Variants in COL2A1 observed in about 807,000 individuals in gnomAD.
The protein encoded by COL2A1 is collagen type II alpha 1 chain.
A neutral mutation model predicts 204.5 loss-of-function variants in COL2A1; 28 were observed. That is an observed-to-expected ratio of 0.14 (90% CI 0.10 to 0.19). COL2A1 has a LOEUF of 0.19. Among genes scored for constraint, COL2A1 ranks in the 10% least tolerant of loss-of-function variants. COL2A1 has a pLI of 1.00. For synonymous variants in COL2A1, 708 were observed against 718.7 expected (o/e 0.99, Z 0.24); for missense variants, 1,388 against 2,027.5 (o/e 0.68, Z 6.06).
chr12:47,977,361 G>GGCCAGGGGA lies in COL2A1; in HGVS notation c.3223_3231dup (p.Ser1075_Gly1077dup), dbSNP rs1565670156. 1 of 1,613,770 alleles carries GGCCAGGGGA rather than the reference G, an allele frequency of 6.2e-7. No homozygotes were observed. The stretch of plus-strand genomic sequence containing the variant: ...CCTTGCTTGCCAGTTGGACCAGCGG[G>GGCCAGGGGA]GCCAGGGGAGCCAGGGGGCCCAGGG... On this transcript the variant is annotated inframe_insertion, in exon 46 of 54. Coordinates refer to ENST00000380518, the MANE Select transcript of COL2A1 (RefSeq NM_001844.5).
intron 6 of COL2A1, 30 bp from the exon 7 acceptor site, chr12:47,997,737 G>T (rs747184522): frequency 5.9e-5 from 95 of 1,613,940 alleles, no homozygotes; most frequent in Non-Finnish European, 6.9e-5. Flanking sequence ...GGCATCAATG[G>T]GAAGCAGTGT....
intron 12 of COL2A1, among the ~76,000 whole-genome samples, 156 bp downstream of exon 12, chr12:47,994,268 G>A (rs996295793): frequency 6.6e-6 from 1 of 152,208 alleles, no homozygotes; most frequent in African/African-American, 2.4e-5. Flanking sequence ...CCTCATGAGA[G>A]CCTGAGTGGA....
At chr12:47,975,865 C>A (rs11168335) in intron 50 of COL2A1, 98 bp downstream of exon 50, 1 of 950,586 alleles carries the variant, frequency 1.1e-6, no homozygotes. Flanking sequence ...CTGTTAGCTG[C>A]AGGCTGATGC....
Position 47,989,614 on chromosome 12 carries a change from A to T in COL2A1, c.1068+147T>A, listed in dbSNP as rs544109005. ...TTATCGATATGCTCAATTGATATTT[A>T]CAAACTTCTTCTCTTTCCTCCCCCT... On this transcript the variant is annotated intron_variant, in intron 17 of 53. Transcript: ENST00000380518. The T allele has an allele frequency of 2.7e-4, 216 of 789,808 alleles. 4 individuals are homozygous for T. The South Asian group carries it at 2.9e-3, about 11-fold the overall frequency. The allele number at this position is 789,808 out of a possible 1,614,324, so 48.9% of individuals were successfully genotyped here.
intron 22 of COL2A1, 106 bp from the exon 23 acceptor site, chr12:47,986,549 G>GC (rs1254575004): frequency 4.4e-6 from 3 of 682,618 alleles, no homozygotes; most frequent in Admixed American, 2.7e-5. Context: ...TTTCAGGGCT[G>GC]GGGGGGGGCT....
chr12:47,977,482 C>T lies in COL2A1; in HGVS notation c.3166-55G>A, dbSNP rs977050618. On this transcript the variant is annotated intron_variant, in intron 45 of 53. Transcript: ENST00000380518. Reference sequence around the variant, plus strand: ...AAGAATGTTCCAGAAGAGACAGGAACAGAAGGTCCTTCTAGGCTGAGATGA... The same window carrying T: ...AAGAATGTTCCAGAAGAGACAGGAATAGAAGGTCCTTCTAGGCTGAGATGA... The T allele has an allele frequency of 4.9e-5, 77 of 1,586,078 alleles. No homozygotes were observed. The Admixed American group carries it at 1.3e-3, about 27-fold the overall frequency.
chr12:47,981,491 AG>A, intron 36 of COL2A1, 95 bp from the exon 37 acceptor site: 1 of 1,112,130 alleles, frequency 9.0e-7, no homozygotes, highest in Non-Finnish European at 1.3e-6. Flanking sequence ...GCTCGTGGGA[AG>A]GGGGCTCCAG....
chr12:47,987,584 C>G lies in COL2A1; in HGVS notation c.1221+27G>C, dbSNP rs773461484. 6.3e-7 allele frequency: 1 copy of G among 1,589,102 alleles called. No individual in the cohort carries two copies. The highest frequency in any genetic ancestry group is 8.6e-7 in the Non-Finnish European group (1 of 1,161,990). ...TCCAAAGCCACAGACCCCAGACCCC[C>G]CCAGGCCAAAGAGAAGCTGCACTTA... is the stretch of plus-strand genomic sequence containing the variant. On this transcript the variant is annotated intron_variant, in intron 19 of 53. Coordinates refer to ENST00000380518, the MANE Select transcript of COL2A1 (RefSeq NM_001844.5). The surrounding 1 kb of genome is among the most constrained non-coding windows in gnomAD (Gnocchi z 4.1).
chr12:47,993,423 T>C (rs773679167), intron 15 of COL2A1, 35 bp downstream of exon 15: 1 of 1,546,376 alleles, frequency 6.5e-7, no homozygotes, highest in East Asian at 2.2e-5. Context: ...CTGAAGAGTC[T>C]TTGATAAACC....
Position 47,978,482 on chromosome 12 carries a change from C to G in COL2A1, c.2896-84G>C. ...CAGCACAGCTCTGTCTGTGCAGCCC[C>G]GCTCCCTGGCATCCCCACGGCCCCT... On this transcript the variant is annotated intron_variant, in intron 42 of 53. Coordinates refer to ENST00000380518, the MANE Select transcript of COL2A1 (RefSeq NM_001844.5). The surrounding 1 kb of genome is among the most constrained non-coding windows in gnomAD (Gnocchi z 5.5). The G allele has an allele frequency of 6.4e-7, 1 of 1,571,448 alleles. No homozygotes were observed. Among genetic ancestry groups the G allele is most frequent in the East Asian group, 2.3e-5 (1 of 43,078 alleles).
At chr12:47,999,441 G>C (rs558524985) in intron 2 of COL2A1, among the ~76,000 whole-genome samples, 97 of 152,310 alleles carry the variant, frequency 6.4e-4, no homozygotes, top group African/African-American at 2.3e-3. Flanking sequence ...AACTCAAAGA[G>C]GGAGCCTCTG....
At chr12:47,998,296 T>C in intron 3 of COL2A1, 95 bp from the exon 4 acceptor site, 1 of 1,560,412 alleles carries the variant, frequency 6.4e-7, no homozygotes, top group East Asian at 2.2e-5. Flanking sequence ...AGGTACCCTC[T>C]GAAACAGATA....
At position 47,986,847 on chromosome 12, in the gene COL2A1, G is replaced by A. The variant is rs776808431; in HGVS notation, c.1407C>T (p.Pro469=). The A allele has an allele frequency of 3.1e-6, 5 of 1,614,058 alleles. No individual in the cohort carries two copies. The highest frequency in any genetic ancestry group is 4.2e-6 in the Non-Finnish European group (5 of 1,180,024). The change falls in exon 22 of 54, where the codon CCC becomes CCT. Residue 469 remains proline (P), a synonymous_variant. Coordinates refer to ENST00000380518, the MANE Select transcript of COL2A1 (RefSeq NM_001844.5). ...GGCAGATACTCACAGGTTCTCCCTT[G>A]GGGCCTTGTTCACCTTTGAAGCCAG... The part of the protein sequence containing the change: ...GIAGFKGEQG[P]KGEPGPAGPQ...
At chr12:47,977,236 A>C in intron 46 of COL2A1, 81 bp from the exon 47 acceptor site, 1 of 1,588,762 alleles carries the variant, frequency 6.3e-7, no homozygotes, top group Non-Finnish European at 8.6e-7. Context: ...ACTGCTCCTT[A>C]GTCCAGAGAC....
At chr12:47,982,198 C>A in intron 34 of COL2A1, 38 bp from the exon 35 acceptor site, 1 of 1,578,922 alleles carries the variant, frequency 6.3e-7, no homozygotes, top group Non-Finnish European at 8.7e-7. Context: ...AGCCAGGCAC[C>A]CCAGGACCCC....
rs56006800 is a variant in COL2A1 at position 47,985,150 on chromosome 12, C to G, written c.1735-57G>C. On this transcript the variant is annotated intron_variant, in intron 26 of 53. Coordinates refer to ENST00000380518, the MANE Select transcript of COL2A1 (RefSeq NM_001844.5). ...GACACTCTGACCACATCCATCCACCCAACATCCACTAAGGGCCTACATGGC... is the reference window on the plus strand; with the variant it reads ...GACACTCTGACCACATCCATCCACCGAACATCCACTAAGGGCCTACATGGC... The G allele has an allele frequency of 0.064, 90,597 of 1,409,816 alleles. 3,359 individuals are homozygous for G. The highest frequency in any genetic ancestry group is 0.074 in the Non-Finnish European group (74,294 of 1,004,504). The allele number at this position is 1,409,816 out of a possible 1,614,324, so 87.3% of individuals were successfully genotyped here. A position where few individuals can be genotyped will look rare whatever the true frequency, so the allele number is the denominator to read the frequency against.
At chr12:47,975,232 C>G in intron 51 of COL2A1, 85 bp downstream of exon 51, 1 of 1,534,276 alleles carries the variant, frequency 6.5e-7, no homozygotes, top group Middle Eastern at 2.3e-4. Flanking sequence ...CTGCCCTGTA[C>G]TAGGGGGCAT....
intron 40 of COL2A1, 89 bp from the exon 41 acceptor site, chr12:47,979,653 C>T: frequency 4.5e-6 from 4 of 893,892 alleles, no homozygotes; most frequent in Non-Finnish European, 7.4e-6. Flanking sequence ...GGTCTCAGAG[C>T]CTGGTATGGA....
Position 47,974,074 on chromosome 12 carries a change from G to T in COL2A1, c.4317+15C>A. On this transcript the variant is annotated intron_variant, in intron 53 of 53. Transcript: ENST00000380518. ...TTGGGCACAGGCAGCTCTTCTCTCT[G>T]GCAGCCCCACTCACCGTGCAGCCAT... 7 of 1,614,124 alleles carry T rather than the reference G, an allele frequency of 4.3e-6. No individual in the cohort carries two copies. Among genetic ancestry groups the T allele is most frequent in the Non-Finnish European group, 5.9e-6 (7 of 1,180,024 alleles).
Sources: gnomAD v4.1 joint callset for allele counts (sites outside exome capture counted in the v4.1 genomes callset) on GRCh38, gnomAD v4.1.1 for gene constraint, Gnocchi (gnomAD v3.1) non-coding constraint, MANE v1.5 for transcripts, NCBI Gene and HGNC (gene_info 2026-07-23, HGNC 2026-07-21) for gene names.